GPC5: variants seen among roughly 807,000 people sequenced by gnomAD.
The protein encoded by GPC5 is glypican 5.
GPC5 carries 47 observed loss-of-function variants against 53.9 expected under a neutral mutation model. The observed-to-expected ratio is 0.87, with a 90% CI of 0.69 to 1.11. The LOEUF (loss-of-function observed/expected upper bound fraction) is 1.11. Ranked by LOEUF, GPC5 falls within the 50% of genes most tolerant of loss-of-function variation. The pLI, the probability that GPC5 is intolerant of heterozygous loss-of-function variation, is 0.00. For synonymous variants in GPC5, 286 were observed against 263.3 expected, an observed-to-expected ratio of 1.09 and a Z score of -0.84; for missense variants, 748 against 713.1, an observed-to-expected ratio of 1.05 and a Z score of -0.56.
At chr13:91,720,791 C>T (rs2036446546) in intron 3 of GPC5, among the ~76,000 whole-genome samples, 2 of 152,156 alleles carry the variant, frequency 1.3e-5, no homozygotes, top group South Asian at 2.1e-4. Context: ...TGTGCCCAGT[C>T]GCTTCAGACA....
intron 7 of GPC5, among the ~76,000 whole-genome samples, chr13:92,470,539 G>GA (rs1209190467): frequency 6.6e-6 from 1 of 151,916 alleles, no homozygotes; most frequent in African/African-American, 2.4e-5. Flanking sequence ...GAAAAACTCA[G>GA]AAAAAAACAG....
chr13:91,723,858 A>C lies in GPC5; in HGVS notation c.1021-4674A>C, dbSNP rs928650423. On this transcript the variant is annotated intron_variant, in intron 3 of 7. Coordinates refer to ENST00000377067, the MANE Select transcript of GPC5 (RefSeq NM_004466.6). ...AGTCTGAAAAATAAAATCCAAATCT[A>C]ATGTATCTGGGACATTACCTCTGCC... is the stretch of plus-strand genomic sequence containing the variant. 4.6e-5 allele frequency among the ~76,000 whole-genome samples: 7 copies of C among 152,136 alleles called. 1 individual carries two copies. The highest frequency in any genetic ancestry group is 2.0e-4 in the Admixed American group (3 of 15,284).
In GPC5 at chr13:91,693,894, T is replaced by G; in HGVS notation, c.1020+13T>G. On this transcript the variant is annotated intron_variant, in intron 3 of 7. Coordinates refer to ENST00000377067, the MANE Select transcript of GPC5 (RefSeq NM_004466.6). Reference sequence around the variant, plus strand: ...ATTATTGGAACAGGTAAGTAGGAGCTCCACATTTTCAGTCTGACTTCTTGT... The same window carrying G: ...ATTATTGGAACAGGTAAGTAGGAGCGCCACATTTTCAGTCTGACTTCTTGT... The G allele has an allele frequency of 6.4e-7, 1 of 1,558,958 alleles. No individual in the cohort carries two copies. Among genetic ancestry groups the G allele is most frequent in the Admixed American group, 1.7e-5 (1 of 57,780 alleles).
intron 5 of GPC5, among the ~76,000 whole-genome samples, chr13:91,874,126 G>A (rs1026485954): frequency 2.4e-4 from 37 of 152,262 alleles, no homozygotes; most frequent in African/African-American, 6.7e-4. Flanking sequence ...GCACAGAATA[G>A]GTAAAGTGAC....
intron 7 of GPC5, among the ~76,000 whole-genome samples, chr13:92,276,875 G>T (rs2042879369): frequency 6.6e-6 from 1 of 151,908 alleles, no homozygotes; most frequent in Non-Finnish European, 1.5e-5. Flanking sequence ...AAATTTTACA[G>T]GAAAGAATTT....
chr13:91,972,593 A>G (rs1201071026), intron 6 of GPC5, among the ~76,000 whole-genome samples: 1 of 151,116 alleles, frequency 6.6e-6, no homozygotes, highest in African/African-American at 2.4e-5. Context: ...ATGTTTTTGC[A>G]GTGGCTGGTA....
chr13:92,441,240 T>C (rs2139386067), intron 7 of GPC5, among the ~76,000 whole-genome samples: 1 of 152,312 alleles, frequency 6.6e-6, no homozygotes, highest in Admixed American at 6.5e-5. Flanking sequence ...GGCTAATTTT[T>C]GTATTTTTAG....
At chr13:91,957,211 A>G (rs985706862) in intron 6 of GPC5, among the ~76,000 whole-genome samples, 2 of 152,134 alleles carry the variant, frequency 1.3e-5, no homozygotes, top group African/African-American at 4.8e-5. Flanking sequence ...TCAACAATAA[A>G]CTATATCAAG....
intron 7 of GPC5, among the ~76,000 whole-genome samples, chr13:92,540,130 C>A (rs981093219): frequency 6.6e-6 from 1 of 151,770 alleles, no homozygotes; most frequent in East Asian, 1.9e-4. Flanking sequence ...AACAATATAT[C>A]GATATAGATT....
chr13:92,131,391 T>A (rs1310096481), intron 6 of GPC5, among the ~76,000 whole-genome samples: 1 of 152,042 alleles, frequency 6.6e-6, no homozygotes, highest in Non-Finnish European at 1.5e-5. Context: ...AAGATATGTA[T>A]AAGATATTCA....
At chr13:91,732,509 A>G (rs1431568600) in intron 4 of GPC5, among the ~76,000 whole-genome samples, 1 of 151,916 alleles carries the variant, frequency 6.6e-6, no homozygotes, top group Admixed American at 6.6e-5. Flanking sequence ...TTTGCTGTGC[A>G]GAAGCTTTTT....
chr13:91,960,039 C>G (rs1302338743), intron 6 of GPC5, among the ~76,000 whole-genome samples: 2 of 149,822 alleles, frequency 1.3e-5, no homozygotes, highest in Non-Finnish European at 2.9e-5. Context: ...AGACTTTTAA[C>G]ACTGCTATTC....
intron 7 of GPC5, among the ~76,000 whole-genome samples, chr13:92,381,207 A>C (rs1300953221): frequency 6.6e-6 from 1 of 152,172 alleles, no homozygotes; most frequent in East Asian, 1.9e-4. Flanking sequence ...TTCTCTACTC[A>C]TAACAAAGTT....
intron 5 of GPC5, among the ~76,000 whole-genome samples, chr13:91,819,868 A>C (rs2038463198): frequency 6.6e-6 from 1 of 152,216 alleles, no homozygotes; most frequent in Non-Finnish European, 1.5e-5. Context: ...TCATGATATG[A>C]GATGACATCT....
intron 2 of GPC5, among the ~76,000 whole-genome samples, chr13:91,581,696 A>C (rs1231673231): frequency 6.6e-6 from 1 of 152,214 alleles, no homozygotes; most frequent in Non-Finnish European, 1.5e-5. Context: ...AAAATGATTA[A>C]ATTATCAATG....
At chr13:92,301,896 A>G (rs893713498) in intron 7 of GPC5, among the ~76,000 whole-genome samples, 7 of 152,128 alleles carry the variant, frequency 4.6e-5, no homozygotes, top group African/African-American at 1.7e-4. Context: ...AGACTGTCTC[A>G]AAAATAAATA....
chr13:91,766,509 C>T (rs975988133), intron 5 of GPC5, among the ~76,000 whole-genome samples: 1 of 152,172 alleles, frequency 6.6e-6, no homozygotes, highest in Non-Finnish European at 1.5e-5. Flanking sequence ...AACCACTTAC[C>T]AGTGATGTGA....
chr13:91,473,213 C>G lies in GPC5; in HGVS notation c.325+24291C>G, dbSNP rs535796299. On this transcript the variant is annotated intron_variant, in intron 2 of 7. Coordinates refer to ENST00000377067, the MANE Select transcript of GPC5 (RefSeq NM_004466.6). The stretch of plus-strand genomic sequence containing the variant: ...CCACCCCCATGATCCTATCACATCC[C>G]TCCCTTGACACGTGGGGATTATAGA... Among the ~76,000 whole-genome samples the G allele has an allele frequency of 3.9e-5, 6 of 152,178 alleles. No individual in the cohort carries two copies. In the East Asian group the frequency reaches 9.7e-4, roughly 25 times the overall value.
intron 5 of GPC5, among the ~76,000 whole-genome samples, chr13:91,868,075 A>C (rs1038475763): frequency 6.6e-6 from 1 of 152,232 alleles, no homozygotes; most frequent in Non-Finnish European, 1.5e-5. Flanking sequence ...ATATTATTCA[A>C]GAAATTGTCT....
Sources: allele counts gnomAD v4.1 joint callset (sites outside exome capture counted in the v4.1 genomes callset), GRCh38; gene constraint gnomAD v4.1.1; transcripts MANE v1.5; gene names NCBI Gene and HGNC (gene_info 2026-07-23, HGNC 2026-07-21).